Variants in CYB561D2 observed in about 807,000 individuals in gnomAD.
CYB561D2 encodes the protein transmembrane reductase CYB561D2.
CYB561D2 carries 16 observed loss-of-function variants against 20.2 expected under a neutral mutation model. That is an observed-to-expected ratio of 0.79 (90% CI 0.53 to 1.20). CYB561D2 has a LOEUF of 1.20. CYB561D2 is among the 50% of genes most tolerant of loss of function. CYB561D2 has a pLI of 0.00. For synonymous variants in CYB561D2, 135 were observed against 128.3 expected (o/e 1.05, Z -0.35); for missense variants, 247 against 270.3 (o/e 0.91, Z 0.60).
chr3:50,351,541 G>A lies in CYB561D2; in HGVS notation c.108G>A (p.Val36=), dbSNP rs1011846248. 10 of 1,611,308 alleles carry A rather than the reference G, an allele frequency of 6.2e-6. No individual in the cohort carries two copies. The highest frequency in any genetic ancestry group is 7.6e-6 in the Non-Finnish European group (9 of 1,178,982). ...VALGFTIFVA[V]LARPGSSLFS... is the part of the protein sequence containing the mutation. ...TGGGCTTTACCATCTTTGTGGCTGTGCTTGCCAGGCCTGGCTCCAGTAAGT... is the reference window on the plus strand; with the variant it reads ...TGGGCTTTACCATCTTTGTGGCTGTACTTGCCAGGCCTGGCTCCAGTAAGT... The change falls in exon 2 of 4, where the codon GTG becomes GTA. Residue 36 remains valine, a synonymous_variant. Coordinates refer to ENST00000425346, the MANE Select transcript of CYB561D2 (RefSeq NM_001291284.2).
chr3:50,350,908 G>A lies in CYB561D2; in HGVS notation c.-102G>A, dbSNP rs1200996654. The A allele has an allele frequency of 1.4e-6, 2 of 1,395,496 alleles. No homozygotes were observed. The highest frequency in any genetic ancestry group is 3.4e-5 in the Admixed American group (1 of 29,134). 86.4% of individuals were successfully genotyped at this position (1,395,496 alleles called of 1,614,324 possible). On this transcript the variant is annotated 5_prime_UTR_variant, in exon 1 of 4. Coordinates refer to ENST00000425346, the MANE Select transcript of CYB561D2 (RefSeq NM_001291284.2). This position sits in a 1 kb window ranked among gnomAD's most constrained non-coding sequence, Gnocchi z 5.7. ...AGCGGCTCCGTGACGGAGCGGCGGT[G>A]CGCGCGGCAGGGCCCGGAGTATCCC...
Position 50,350,978 on chromosome 3 carries a change from G to A in CYB561D2, c.-32G>A. On this transcript the variant is annotated 5_prime_UTR_variant, in exon 1 of 4. Coordinates refer to ENST00000425346, the MANE Select transcript of CYB561D2 (RefSeq NM_001291284.2). This position sits in a 1 kb window ranked among gnomAD's most constrained non-coding sequence, Gnocchi z 5.7. ...ACCGCATCAGATCTGCGCTGCGGCA[G>A]AGGCAGGCAAGTCCCTAGCGTGGAG... is the stretch of plus-strand genomic sequence containing the variant. The A allele has an allele frequency of 1.7e-6, 2 of 1,201,860 alleles. No homozygotes were observed. Among genetic ancestry groups the A allele is most frequent in the Non-Finnish European group, 2.1e-6 (2 of 931,092 alleles). 74.4% of individuals were successfully genotyped at this position (1,201,860 alleles called of 1,614,324 possible). A position where few individuals can be genotyped will look rare whatever the true frequency, so the allele number is the denominator to read the frequency against.
Position 50,351,503 on chromosome 3 carries a change from C to T in CYB561D2, c.70C>T (p.His24Tyr). 6.2e-7 allele frequency: 1 copy of T among 1,613,334 alleles called. No homozygotes were observed. The highest frequency in any genetic ancestry group is 8.5e-7 in the Non-Finnish European group (1 of 1,179,786). The change falls in exon 2 of 4, where the codon CAC becomes TAC. Residue 24 changes from histidine (H) to tyrosine (Y), a missense_variant. Physicochemically the swap from His to Tyr is moderately conservative, Grantham distance 83 (BLOSUM62 2). Coordinates refer to ENST00000425346, the MANE Select transcript of CYB561D2 (RefSeq NM_001291284.2). ...ALRTASGAAAHLVALGFTIFV... is the reference protein window; with the variant it reads ...ALRTASGAAAYLVALGFTIFV... ...GCGTACTGCTTCTGGCGCTGCCGCC[C>T]ACCTTGTGGCCCTGGGCTTTACCAT... is the stretch of plus-strand genomic sequence containing the variant.
rs916379856 is a variant in CYB561D2, at chr3:50,351,400, T to A, written c.-25-9T>A. The A allele has an allele frequency of 1.9e-6, 3 of 1,607,792 alleles. No homozygotes were observed. The highest frequency in any genetic ancestry group is 2.6e-6 in the Non-Finnish European group (3 of 1,175,960). On this transcript the variant is annotated splice_polypyrimidine_tract_variant and intron_variant, in intron 1 of 3. Transcript: ENST00000425346. ...CCTGAGATCCTGGCCCACGCTACTATGCTTTCAGGCTACAACCACTAGCAC... is the reference window on the plus strand; with the variant it reads ...CCTGAGATCCTGGCCCACGCTACTAAGCTTTCAGGCTACAACCACTAGCAC...
intron 1 of CYB561D2, 38 bp downstream of exon 1, chr3:50,351,022 A>C (rs1703743375): frequency 2.8e-6 from 2 of 715,886 alleles, no homozygotes; most frequent in African/African-American, 3.6e-5. Context: ...TGCTGGCAGC[A>C]CTTGGGGAGG....
rs372588953 is a variant in CYB561D2 at position 50,353,533 on chromosome 3, C to G, written c.458C>G (p.Ala153Gly). 3.7e-5 allele frequency: 59 copies of G among 1,613,682 alleles called. No homozygotes were observed. The highest frequency in any genetic ancestry group is 4.8e-5 in the Non-Finnish European group (57 of 1,180,042). ...AAGCTGCTGCCCCGATGGCCCCTGG[C>G]GAAGCTCAAGCTATACCATGCTACT... ...YPKLLPRWPL[A>G]KLKLYHATSG... Residue 153 changes from alanine to glycine, a missense_variant, in exon 4 of 4, where the codon GCG becomes GGG. Coordinates refer to ENST00000425346, the MANE Select transcript of CYB561D2 (RefSeq NM_001291284.2).
Position 50,353,355 on chromosome 3 carries a change from C to T in CYB561D2, c.280C>T (p.Leu94=). The change falls in exon 4 of 4, where the codon CTG becomes TTG. Residue 94 remains leucine (L), a synonymous_variant. Coordinates refer to ENST00000425346, the MANE Select transcript of CYB561D2 (RefSeq NM_001291284.2). ...RCHWVLQLLA[L]LCALLGLGLV... ...CCACTGGGTGCTGCAGCTGCTGGCC[C>T]TGCTGTGTGCACTGCTGGGCCTCGG... 1 of 1,613,518 alleles carries T rather than the reference C, an allele frequency of 6.2e-7. No individual in the cohort carries two copies. The highest frequency in any genetic ancestry group is 8.5e-7 in the Non-Finnish European group (1 of 1,179,978).
In CYB561D2 at chr3:50,353,402, G is replaced by A. The variant is rs1378059264; in HGVS notation, c.327G>A (p.Glu109=). The A allele has an allele frequency of 6.2e-7, 1 of 1,613,456 alleles. No individual in the cohort carries two copies. The highest frequency in any genetic ancestry group is 1.1e-5 in the South Asian group (1 of 91,078). Residue 109 remains glutamate, a synonymous_variant, in exon 4 of 4, where the codon GAG becomes GAA. Coordinates refer to ENST00000425346, the MANE Select transcript of CYB561D2 (RefSeq NM_001291284.2). ...TCGGCCTTGTCATCCTCCACAAAGAGCAGCTTGGCAAAGCCCACCTGGTTA... is the reference window on the plus strand; with the variant it reads ...TCGGCCTTGTCATCCTCCACAAAGAACAGCTTGGCAAAGCCCACCTGGTTA... ...LGLGLVILHK[E]QLGKAHLVTR...
chr3:50,353,223 CATCCCCTGTTTCCTCAGT>C lies in CYB561D2; in HGVS notation c.166-17_166del. On this transcript the variant is annotated splice_acceptor_variant and splice_polypyrimidine_tract_variant and coding_sequence_variant and intron_variant, in exon 4 of 4. Coordinates refer to ENST00000425346, the MANE Select transcript of CYB561D2 (RefSeq NM_001291284.2). LOFTEE classifies it high-confidence loss of function. ...GGGCAGCACCCTCACTTGAGCTTCCCATCCCCTGTTTCCTCAGTTCTCCTTCCTGATGACCGAGGCACT... is the reference window on the plus strand; with the variant it reads ...GGGCAGCACCCTCACTTGAGCTTCCCTCTCCTTCCTGATGACCGAGGCACT... 1 of 1,540,262 alleles carries C rather than the reference CATCCCCTGTTTCCTCAGT, an allele frequency of 6.5e-7. No homozygotes were observed. The highest frequency in any genetic ancestry group is 1.4e-5 in the African/African-American group (1 of 73,100).
chr3:50,350,944 G>A lies in CYB561D2; in HGVS notation c.-66G>A. On this transcript the variant is annotated 5_prime_UTR_variant, in exon 1 of 4. Transcript: ENST00000425346. This position sits in a 1 kb window ranked among gnomAD's most constrained non-coding sequence, Gnocchi z 5.7. ...GGCCCGGAGTATCCCGCTTTCTTTG[G>A]AGGAAACCACCGCATCAGATCTGCG... 6 of 1,351,924 alleles carry A rather than the reference G, an allele frequency of 4.4e-6. No individual in the cohort carries two copies. Among genetic ancestry groups the A allele is most frequent in the Middle Eastern group, 2.8e-4 (1 of 3,600 alleles). The allele number at this position is 1,351,924 out of a possible 1,614,324, so 83.7% of individuals were successfully genotyped here.
At chr3:50,352,307 C>T (rs1288481251) in intron 3 of CYB561D2, among the ~76,000 whole-genome samples, 1 of 151,904 alleles carries the variant, frequency 6.6e-6, no homozygotes, top group African/African-American at 2.4e-5. Context: ...GGTGAAACCC[C>T]GTCTCTACTA....
Position 50,352,007 on chromosome 3 carries a change from A to G in CYB561D2, c.128-2A>G, listed in dbSNP as rs141123544. ...CCATGAGGCCTCCTCTTCTCATTCC[A>G]GGCCTGTTCTCCTGGCACCCGGTGC... On this transcript the variant is annotated splice_acceptor_variant, in intron 2 of 3. Transcript: ENST00000425346. LOFTEE classifies it high-confidence loss of function. The G allele has an allele frequency of 2.1e-5, 34 of 1,613,862 alleles. No homozygotes were observed. The highest frequency in any genetic ancestry group is 2.6e-5 in the Non-Finnish European group (31 of 1,179,918).
rs773312405 is a variant in CYB561D2, at chr3:50,353,363, T to G, written c.288T>G (p.Cys96Trp). ...HWVLQLLALL[C>W]ALLGLGLVIL... ...TGCTGCAGCTGCTGGCCCTGCTGTG[T>G]GCACTGCTGGGCCTCGGCCTTGTCA... Residue 96 changes from cysteine (C) to tryptophan (W), a missense_variant, in exon 4 of 4, where the codon TGT becomes TGG. Coordinates refer to ENST00000425346, the MANE Select transcript of CYB561D2 (RefSeq NM_001291284.2). The G allele has an allele frequency of 2.5e-6, 4 of 1,613,544 alleles. No individual in the cohort carries two copies. In the South Asian group the frequency reaches 4.4e-5, roughly 18 times the overall value.
In CYB561D2 at chr3:50,353,790, G is replaced by A. The variant is rs1703826281; in HGVS notation, c.*46G>A. ...AGCCTGGATTTGCCCCTCCATGTAG[G>A]AGCTGGGCCTAGGGACCTGTTGAAC... On this transcript the variant is annotated 3_prime_UTR_variant, in exon 4 of 4. Coordinates refer to ENST00000425346, the MANE Select transcript of CYB561D2 (RefSeq NM_001291284.2). The A allele has an allele frequency of 1.3e-6, 2 of 1,545,904 alleles. No homozygotes were observed. Among genetic ancestry groups the A allele is most frequent in the Non-Finnish European group, 1.7e-6 (2 of 1,144,534 alleles).
chr3:50,353,049 T>C (rs1269231419), intron 3 of CYB561D2, among the ~76,000 whole-genome samples, 192 bp from the exon 4 acceptor site: 1 of 152,208 alleles, frequency 6.6e-6, no homozygotes, highest in Non-Finnish European at 1.5e-5. Flanking sequence ...GTGGAGATTA[T>C]TCAGGGCACA....
intron 3 of CYB561D2, 26 bp downstream of exon 3, chr3:50,352,072 T>G: frequency 6.2e-7 from 1 of 1,613,446 alleles, no homozygotes; most frequent in South Asian, 1.1e-5. Context: ...GGGCAGTTCT[T>G]AGGGGTGGGA....
In CYB561D2 at chr3:50,351,433, G is replaced by A; in HGVS notation, c.-1G>A. 1.2e-6 allele frequency: 2 copies of A among 1,613,386 alleles called. No homozygotes were observed. Among genetic ancestry groups the A allele is most frequent in the Non-Finnish European group, 1.7e-6 (2 of 1,179,758 alleles). On this transcript the variant is annotated 5_prime_UTR_variant, in exon 2 of 4. Transcript: ENST00000425346. ...GGCTACAACCACTAGCACGGCTGACGATGGCCCTTTCTGCGGAGACCGAGT... is the reference window on the plus strand; with the variant it reads ...GGCTACAACCACTAGCACGGCTGACAATGGCCCTTTCTGCGGAGACCGAGT...
chr3:50,352,194 C>G (rs1471001618), intron 3 of CYB561D2, 148 bp downstream of exon 3: 3 of 1,034,198 alleles, frequency 2.9e-6, no homozygotes, highest in African/African-American at 3.2e-5. Context: ...ATATTTCAGA[C>G]TTGAGGCTGG....
chr3:50,354,011 T>C lies in CYB561D2; in HGVS notation c.*267T>C, dbSNP rs1300268929. The C allele has an allele frequency of 6.9e-6, 3 of 432,524 alleles. No individual in the cohort carries two copies. Among genetic ancestry groups the C allele is most frequent in the African/African-American group, 3.9e-5 (2 of 50,810 alleles). The allele number at this position is 432,524 out of a possible 1,614,324, so 26.8% of individuals were successfully genotyped here. A position where few individuals can be genotyped will look rare whatever the true frequency, so the allele number is the denominator to read the frequency against. Reference sequence around the variant, plus strand: ...ACTGCCTCTCCTGCAAGGCAGCTCATACTTGTACTGTATGTTCAGAAATTT... The same window carrying C: ...ACTGCCTCTCCTGCAAGGCAGCTCACACTTGTACTGTATGTTCAGAAATTT... On this transcript the variant is annotated 3_prime_UTR_variant, in exon 4 of 4. Transcript: ENST00000425346.
Sources: allele counts gnomAD v4.1 joint callset (sites outside exome capture counted in the v4.1 genomes callset), GRCh38; gene constraint gnomAD v4.1.1; non-coding constraint Gnocchi (gnomAD v3.1); transcripts MANE v1.5; gene names NCBI Gene and HGNC (gene_info 2026-07-23, HGNC 2026-07-21).